CTNND1: variants seen among roughly 807,000 people sequenced by gnomAD.
CTNND1 encodes catenin delta-1.
A neutral mutation model predicts 112.1 loss-of-function variants in CTNND1; 16 were observed. The observed-to-expected ratio is 0.14, with a 90% confidence interval of 0.10 to 0.22. CTNND1 has a LOEUF of 0.22. Among genes scored for constraint, CTNND1 ranks in the 10% least tolerant of loss-of-function variants. The probability of loss-of-function intolerance (pLI) is 1.00; values close to 1 mark genes in which losing one functional copy is unlikely to be tolerated. For missense variants in CTNND1, 1,008 were observed against 1,257.0 expected (o/e 0.80, Z 3.00); for synonymous variants, 420 against 446.5 (o/e 0.94, Z 0.75).
chr11:57,796,422 A>C (rs748232241), intron 5 of CTNND1, 35 bp from the exon 6 acceptor site: 6 of 1,531,104 alleles, frequency 3.9e-6, no homozygotes, highest in African/African-American at 2.8e-5. Context: ...TCACTTCCTT[A>C]ATTAGTTTTT....
intron 1 of CTNND1, among the ~76,000 whole-genome samples, chr11:57,785,441 C>A (rs1160980678): frequency 6.6e-6 from 1 of 152,128 alleles, no homozygotes; most frequent in Non-Finnish European, 1.5e-5. Flanking sequence ...GATAACAAAG[C>A]CTATACACTT....
chr11:57,811,284 T>C, intron 16 of CTNND1, 115 bp from the exon 17 acceptor site: 1 of 739,010 alleles, frequency 1.4e-6, no homozygotes, highest in South Asian at 1.8e-5. Flanking sequence ...CTCTTATAAG[T>C]TGCTTTTTCA....
intron 1 of CTNND1, among the ~76,000 whole-genome samples, chr11:57,768,062 T>C (rs1443777498): frequency 6.6e-6 from 1 of 152,052 alleles, no homozygotes; most frequent in Non-Finnish European, 1.5e-5. Flanking sequence ...CTCGAACTCC[T>C]GACCTCAAAT....
intron 1 of CTNND1, among the ~76,000 whole-genome samples, chr11:57,778,569 C>T (rs770133820): frequency 1.3e-5 from 2 of 152,166 alleles, no homozygotes; most frequent in African/African-American, 4.8e-5. Flanking sequence ...CTTTGTCCTA[C>T]GTAGTGTTGG....
At chr11:57,795,877 A>T in intron 5 of CTNND1, 148 bp downstream of exon 5, 1 of 897,422 alleles carries the variant, frequency 1.1e-6, no homozygotes, top group East Asian at 2.8e-5. Flanking sequence ...GATAGAAAGG[A>T]TGAAGAGATG....
rs1387678387 is a variant in CTNND1, at chr11:57,819,014, C to G, written c.*2706C>G. Reference sequence around the variant, plus strand: ...TTTACAGACCATATTACCTGGATTACCAGGGACTATCTTTGCTGCAGAGAT... The same window carrying G: ...TTTACAGACCATATTACCTGGATTAGCAGGGACTATCTTTGCTGCAGAGAT... On this transcript the variant is annotated 3_prime_UTR_variant, in exon 21 of 21. Coordinates refer to ENST00000399050, the MANE Select transcript of CTNND1 (RefSeq NM_001085458.2). 6.6e-6 allele frequency: 1 copy of G among 152,126 alleles called. No homozygotes were observed. Among genetic ancestry groups the G allele is most frequent in the Non-Finnish European group, 1.5e-5 (1 of 68,022 alleles). 9.4% of individuals were successfully genotyped at this position (152,126 alleles called of 1,614,324 possible). A position where few individuals can be genotyped will look rare whatever the true frequency, so the allele number is the denominator to read the frequency against.
chr11:57,792,830 TG>T (rs892105126), intron 3 of CTNND1, among the ~76,000 whole-genome samples: 6 of 83,088 alleles, frequency 7.2e-5, no homozygotes, highest in Non-Finnish European at 1.2e-4. Flanking sequence ...CCCGGCTGAG[TG>T]ATTTTTTTTT....
At chr11:57,800,757 A>G (rs1023028920) in intron 6 of CTNND1, among the ~76,000 whole-genome samples, 6 of 152,218 alleles carry the variant, frequency 3.9e-5, no homozygotes, top group Non-Finnish European at 5.9e-5. Context: ...AGCTCCACAC[A>G]ATAGATTATC....
Position 57,808,200 on chromosome 11 carries a change from A to C in CTNND1, c.1999A>C (p.Ile667Leu). 1.2e-6 allele frequency: 2 copies of C among 1,613,732 alleles called. No individual in the cohort carries two copies. The highest frequency in any genetic ancestry group is 1.7e-6 in the Non-Finnish European group (2 of 1,179,716). ...ELLFQPEVVR[I>L]YISLLKESKT... ...CTTATTTCAGCCAGAGGTGGTTCGG[A>C]TATACATCTCACTTCTTAAGGAGAG... Residue 667 changes from isoleucine to leucine, a missense_variant, in exon 13 of 21, where the codon ATA (isoleucine) becomes CTA (leucine). Ile to Leu is a conservative substitution (Grantham distance 5). Coordinates refer to ENST00000399050, the MANE Select transcript of CTNND1 (RefSeq NM_001085458.2).
intron 9 of CTNND1, 72 bp from the exon 10 acceptor site, chr11:57,805,810 A>G: frequency 6.5e-7 from 1 of 1,527,950 alleles, no homozygotes; most frequent in Non-Finnish European, 8.9e-7. Context: ...TACCTGAGTC[A>G]TGGAAACCTG....
chr11:57,810,967 GA>G lies in CTNND1; in HGVS notation c.2551-421del, dbSNP rs539734472. On this transcript the variant is annotated intron_variant, in intron 16 of 20. Coordinates refer to ENST00000399050, the MANE Select transcript of CTNND1 (RefSeq NM_001085458.2). ...GCTAAACCCTGTCTCAAAAAAAAAA[GA>G]AAAAAAAAAAGATTTGGTTTACTCC... is the stretch of plus-strand genomic sequence containing the variant. Among the ~76,000 whole-genome samples the G allele has an allele frequency of 8.2e-3, 1,163 of 141,348 alleles. 8 individuals are homozygous for G. Among genetic ancestry groups the G allele is most frequent in the Non-Finnish European group, 0.015 (932 of 64,218 alleles). 92.7% of individuals were successfully genotyped at this position (141,348 alleles called of 152,430 possible). A position where few individuals can be genotyped will look rare whatever the true frequency, so the allele number is the denominator to read the frequency against.
rs775849528 is a variant in CTNND1, at chr11:57,801,753, G to T, written c.977G>T (p.Gly326Val). 1.2e-6 allele frequency: 2 copies of T among 1,613,020 alleles called. No individual in the cohort carries two copies. Among genetic ancestry groups the T allele is most frequent in the Admixed American group, 1.7e-5 (1 of 59,990 alleles). ...RRLRSYEDMI[G>V]EEVPSDQYYW... Reference sequence around the variant, plus strand: ...CTCAGGAGCTATGAAGACATGATTGGTGAGGAGGTGCCATCGGATCAATAC... The same window carrying T: ...CTCAGGAGCTATGAAGACATGATTGTTGAGGAGGTGCCATCGGATCAATAC... The change falls in exon 7 of 21, where the codon GGT becomes GTT. Residue 326 changes from glycine (G) to valine (V), a missense_variant. By Grantham distance (109) the Gly-to-Val change is moderately radical (BLOSUM62 -3). Around this residue, in one of 5 missense-constraint regions of CTNND1, gnomAD observed 404 missense variants for 457.9 expected, o/e 0.88. Coordinates refer to ENST00000399050, the MANE Select transcript of CTNND1 (RefSeq NM_001085458.2).
At chr11:57,762,328 G>C (rs1950032890) in intron 1 of CTNND1, among the ~76,000 whole-genome samples, 1 of 152,076 alleles carries the variant, frequency 6.6e-6, no homozygotes, top group Admixed American at 6.6e-5. Context: ...GGTAAGAGCA[G>C]GTTTGAAAAT....
At chr11:57,805,512 G>T (rs1408489371) in intron 9 of CTNND1, among the ~76,000 whole-genome samples, 2 of 151,664 alleles carry the variant, frequency 1.3e-5, no homozygotes, top group Non-Finnish European at 2.9e-5. Flanking sequence ...CAAAGTGCTG[G>T]GATTACAGGT....
rs200592962 is a variant in CTNND1 at position 57,815,498 on chromosome 11, A to C, written c.2806A>C (p.Met936Leu). 246 of 1,607,572 alleles carry C rather than the reference A, an allele frequency of 1.5e-4. No individual in the cohort carries two copies. In the East Asian group the frequency reaches 5.4e-3, roughly 35 times the overall value. ...GCCATTGAAGGGAACAACACCCTTG[A>C]TGGTAAATTCTCTTTATATACTGCT... ...MEPLKGTTPL[M>L]QDEGQESLEE... The change falls in exon 19 of 21, where the codon ATG becomes CTG. Residue 936 changes from methionine (M) to leucine (L), a missense_variant and splice_region_variant. Met to Leu is a conservative substitution (Grantham distance 15). Around this residue, in one of 5 missense-constraint regions of CTNND1, gnomAD observed 106 missense variants for 116.2 expected, o/e 0.91. Transcript: ENST00000399050.
At chr11:57,773,609 G>T (rs913017057) in intron 1 of CTNND1, among the ~76,000 whole-genome samples, 2 of 151,054 alleles carry the variant, frequency 1.3e-5, no homozygotes, top group Non-Finnish European at 3.0e-5. Context: ...ATGCCACCAC[G>T]CCTGGCTATG....
At chr11:57,813,667 ATCC>A (rs2063625786) in intron 17 of CTNND1, among the ~76,000 whole-genome samples, 1 of 152,236 alleles carries the variant, frequency 6.6e-6, no homozygotes, top group Admixed American at 6.5e-5. Flanking sequence ...TATTAAAATC[ATCC>A]TCTTTTCCAA....
intron 19 of CTNND1, 155 bp from the exon 20 acceptor site, chr11:57,815,760 T>C: frequency 1.3e-6 from 1 of 767,878 alleles, no homozygotes; most frequent in Non-Finnish European, 2.3e-6. Context: ...CATTACCTTT[T>C]TCCTCTCCCT....
chr11:57,809,556 C>T, intron 15 of CTNND1, 90 bp downstream of exon 15: 2 of 1,184,962 alleles, frequency 1.7e-6, no homozygotes, highest in Non-Finnish European at 2.4e-6. Flanking sequence ...GGAAATTTCC[C>T]CTTATTTACG....
Sources: gnomAD v4.1 joint callset for allele counts (sites outside exome capture counted in the v4.1 genomes callset) on GRCh38, gnomAD v4.1.1 for gene constraint, gnomAD v4.1.1 regional missense constraint, MANE v1.5 for transcripts, NCBI Gene and HGNC (gene_info 2026-07-23, HGNC 2026-07-21) for gene names.